Variants in ELOVL6 observed in about 807,000 individuals in gnomAD.
The protein encoded by ELOVL6 is ELOVL fatty acid elongase 6, also known as very long chain fatty acid elongase 6.
In ELOVL6, 8 loss-of-function variants were observed where a neutral mutation model predicts 31.7. The ratio of observed to expected loss-of-function variants is 0.25; its 90% CI spans 0.15 to 0.45. The LOEUF is 0.45. Among genes scored for constraint, ELOVL6 ranks in the 20% least tolerant of loss-of-function variants. The pLI, the probability that ELOVL6 is intolerant of heterozygous loss-of-function variation, is 1.00. For missense variants in ELOVL6, 126 were observed against 326.4 expected, an observed-to-expected ratio of 0.39 and a Z score of 4.73; for synonymous variants, 101 against 117.7, an observed-to-expected ratio of 0.86 and a Z score of 0.92.
At chr4:110,167,349 G>A (rs1391548304) in intron 1 of ELOVL6, among the ~76,000 whole-genome samples, 1 of 152,146 alleles carries the variant, frequency 6.6e-6, no homozygotes. Flanking sequence ...CTCTCTCTGT[G>A]TGTGTTTACA....
rs1754817867 is a variant in ELOVL6 at position 110,050,768 on chromosome 4, T to A, written c.*570A>T. The stretch of plus-strand genomic sequence containing the variant: ...TGTTTTCATAAGGATGATTAAGACA[T>A]CTTTTCTCATGGGGTCTACAGCAGC... On this transcript the variant is annotated 3_prime_UTR_variant, in exon 4 of 4. Transcript: ENST00000302274. 1 of 153,696 alleles carries A rather than the reference T, an allele frequency of 6.5e-6. No individual in the cohort carries two copies. The highest frequency in any genetic ancestry group is 2.4e-5 in the African/African-American group (1 of 41,472). 9.5% of individuals were successfully genotyped at this position (153,696 alleles called of 1,614,324 possible).
At chr4:110,084,388 A>AC (rs1756120962) in intron 2 of ELOVL6, among the ~76,000 whole-genome samples, 1 of 118,552 alleles carries the variant, frequency 8.4e-6, no homozygotes, top group African/African-American at 3.2e-5. Flanking sequence ...TATATATCGC[A>AC]TATATGATAT....
At chr4:110,145,983 A>G (rs1338066953) in intron 1 of ELOVL6, among the ~76,000 whole-genome samples, 1 of 152,170 alleles carries the variant, frequency 6.6e-6, no homozygotes, top group Non-Finnish European at 1.5e-5. Flanking sequence ...ATTTTTCACA[A>G]AATTGGAAAA....
intron 2 of ELOVL6, among the ~76,000 whole-genome samples, chr4:110,064,580 C>T (rs192584983): frequency 6.6e-6 from 1 of 152,254 alleles, no homozygotes; most frequent in Admixed American, 6.5e-5. Context: ...CCTCCTGCCT[C>T]AGCTTCCCAA....
chr4:110,144,054 CAAA>C (rs10716398), intron 1 of ELOVL6, among the ~76,000 whole-genome samples: 9 of 85,566 alleles, frequency 1.1e-4, no homozygotes, highest in Non-Finnish European at 1.2e-4. Context: ...AACTCCATCT[CAAA>C]AAAAAAAAAA....
At position 110,078,527 on chromosome 4, in the gene ELOVL6, A is replaced by T. The variant is rs536291249; in HGVS notation, c.222-18773T>A. 1.8e-3 allele frequency among the ~76,000 whole-genome samples: 274 copies of T among 152,306 alleles called. 2 individuals are homozygous for T. Among genetic ancestry groups the T allele is most frequent in the African/African-American group, 6.3e-3 (260 of 41,570 alleles). On this transcript the variant is annotated intron_variant, in intron 2 of 3. Coordinates refer to ENST00000302274, the MANE Select transcript of ELOVL6 (RefSeq NM_024090.3). ...GAAGGAGAAATAAAATACTTTACAG[A>T]CAAGCAAATGCTGAGAGATTTTGTC...
intron 2 of ELOVL6, among the ~76,000 whole-genome samples, chr4:110,082,433 T>C (rs1303798201): frequency 6.6e-6 from 1 of 151,964 alleles, no homozygotes; most frequent in Non-Finnish European, 1.5e-5. Context: ...GATGAGTTCA[T>C]GTCCTTTGTA....
intron 2 of ELOVL6, among the ~76,000 whole-genome samples, chr4:110,081,292 C>T (rs892511189): frequency 6.6e-6 from 1 of 152,272 alleles, no homozygotes; most frequent in Non-Finnish European, 1.5e-5. Flanking sequence ...CAAGTCAATC[C>T]TAAGCCAAAA....
intron 2 of ELOVL6, among the ~76,000 whole-genome samples, chr4:110,089,277 G>A (rs906558768): frequency 2.0e-5 from 3 of 152,266 alleles, no homozygotes; most frequent in African/African-American, 7.2e-5. Context: ...TATAACTACA[G>A]TTGGCCTTCA....
At chr4:110,073,405 A>C (rs1490071311) in intron 2 of ELOVL6, among the ~76,000 whole-genome samples, 1 of 152,200 alleles carries the variant, frequency 6.6e-6, no homozygotes, top group African/African-American at 2.4e-5. Flanking sequence ...AAAAGTCTGA[A>C]AGTGGGTTGT....
rs1168880044 is a variant in ELOVL6 at position 110,084,588 on chromosome 4, ATTTTTTTTTT to A, written c.221+20899_221+20908del. On this transcript the variant is annotated intron_variant, in intron 2 of 3. Coordinates refer to ENST00000302274, the MANE Select transcript of ELOVL6 (RefSeq NM_024090.3). ...GATATATATATATATATATATATAT[ATTTTTTTTTT>A]TTTTTTTTTTTTTTGAGATGGAGTC... Among the ~76,000 whole-genome samples, 73 of 29,590 alleles carry A rather than the reference ATTTTTTTTTT, an allele frequency of 2.5e-3. 2 individuals are homozygous for A. Among genetic ancestry groups the A allele is most frequent in the South Asian group, 9.2e-3 (7 of 758 alleles). The allele number at this position is 29,590 out of a possible 152,430, so 19.4% of individuals were successfully genotyped here. A position where few individuals can be genotyped will look rare whatever the true frequency, so the allele number is the denominator to read the frequency against.
Position 110,051,198 on chromosome 4 carries a change from C to T in ELOVL6, c.*140G>A, listed in dbSNP as rs991919091. On this transcript the variant is annotated 3_prime_UTR_variant, in exon 4 of 4. Coordinates refer to ENST00000302274, the MANE Select transcript of ELOVL6 (RefSeq NM_024090.3). This position sits in a 1 kb window ranked among gnomAD's most constrained non-coding sequence, Gnocchi z 4.8. ...TACTGGGTTAAATCAACCTAATTAT[C>T]CCTAAGCTGCCTTGGGTTTTGTGTT... 2.3e-6 allele frequency: 2 copies of T among 860,286 alleles called. No individual in the cohort carries two copies. The highest frequency in any genetic ancestry group is 2.8e-5 in the Admixed American group (1 of 36,278). 53.3% of individuals were successfully genotyped at this position (860,286 alleles called of 1,614,324 possible).
At chr4:110,184,893 G>C (rs1035048504) in intron 1 of ELOVL6, among the ~76,000 whole-genome samples, 2 of 152,336 alleles carry the variant, frequency 1.3e-5, no homozygotes, top group African/African-American at 4.8e-5. Flanking sequence ...ATACAGAGCA[G>C]TGCTTCTCCC....
At chr4:110,061,113 T>A (rs1333373425) in intron 2 of ELOVL6, among the ~76,000 whole-genome samples, 2 of 152,202 alleles carry the variant, frequency 1.3e-5, no homozygotes, top group Non-Finnish European at 2.9e-5. Context: ...CTGCAGAGGA[T>A]TACTGTCATT....
intron 2 of ELOVL6, among the ~76,000 whole-genome samples, chr4:110,084,369 G>GATATATATCGA (rs1344985460): frequency 2.9e-5 from 1 of 34,714 alleles, no homozygotes. Flanking sequence ...CCGCATATAT[G>GATATATATCGA]ATATATGATA....
At chr4:110,196,902 G>A (rs979831743) in intron 1 of ELOVL6, among the ~76,000 whole-genome samples, 1 of 152,168 alleles carries the variant, frequency 6.6e-6, no homozygotes, top group African/African-American at 2.4e-5. Context: ...AGAAGGAAGC[G>A]GCGGCCGGGC....
intron 2 of ELOVL6, among the ~76,000 whole-genome samples, chr4:110,090,697 T>C (rs28694077): frequency 0.58 from 87,439 of 149,904 alleles, 27,569 homozygotes; most frequent in African/African-American, 0.84. Flanking sequence ...CTCCGCCACC[T>C]GGGTTCAAGC....
At position 110,050,599 on chromosome 4, in the gene ELOVL6, G is replaced by GC. The variant is rs1214291155; in HGVS notation, c.*738dup. Reference sequence around the variant, plus strand: ...ATCAGAAATGCTCTGGGATGGAGCTGCCCCCATGGGACCTGGGCTGCACTG... The same window carrying GC: ...ATCAGAAATGCTCTGGGATGGAGCTGCCCCCCATGGGACCTGGGCTGCACTG... On this transcript the variant is annotated 3_prime_UTR_variant, in exon 4 of 4. Coordinates refer to ENST00000302274, the MANE Select transcript of ELOVL6 (RefSeq NM_024090.3). The GC allele has an allele frequency of 1.3e-5, 2 of 152,528 alleles. No individual in the cohort carries two copies. Among genetic ancestry groups the GC allele is most frequent in the Non-Finnish European group, 2.9e-5 (2 of 68,064 alleles). The allele number at this position is 152,528 out of a possible 1,614,324, so 9.4% of individuals were successfully genotyped here.
chr4:110,181,134 T>C (rs1367139720), intron 1 of ELOVL6, among the ~76,000 whole-genome samples: 1 of 147,704 alleles, frequency 6.8e-6, no homozygotes, highest in African/African-American at 2.5e-5. Context: ...TAAGACCCAG[T>C]CTCAAAAAAA....
Sources: allele counts gnomAD v4.1 joint callset (sites outside exome capture counted in the v4.1 genomes callset), GRCh38; gene constraint gnomAD v4.1.1; non-coding constraint Gnocchi (gnomAD v3.1); transcripts MANE v1.5; gene names NCBI Gene and HGNC (gene_info 2026-07-23, HGNC 2026-07-21).